Variants in MTO1 observed in about 807,000 individuals in gnomAD.
MTO1 encodes the protein mitochondrial tRNA translation optimization 1.
In MTO1, 46 loss-of-function variants were observed where a neutral mutation model predicts 71.6. The observed-to-expected ratio is 0.64, with a 90% CI of 0.51 to 0.82. The LOEUF is 0.82. Among genes scored for constraint, MTO1 ranks in the 40% least tolerant of loss-of-function variants. The pLI is 0.00. For missense variants in MTO1, 773 were observed against 867.5 expected, an observed-to-expected ratio of 0.89 and a Z score of 1.37; for synonymous variants, 297 against 312.1, an observed-to-expected ratio of 0.95 and a Z score of 0.51.
Position 73,507,708 on chromosome 6 carries a change from T to G in MTO1, c.*6973T>G, listed in dbSNP as rs571593437. 6.6e-6 allele frequency: 1 copy of G among 152,436 alleles called. No homozygotes were observed. Among genetic ancestry groups the G allele is most frequent in the South Asian group, 2.1e-4 (1 of 4,834 alleles). 9.4% of individuals were successfully genotyped at this position (152,436 alleles called of 1,614,324 possible). ...GTTTCTCCATCCCGGCAGGGTGCGG[T>G]GGCTCACGCCTGTAATCCCAACACT... On this transcript the variant is annotated 3_prime_UTR_variant, in exon 12 of 12. Coordinates refer to ENST00000498286, the MANE Select transcript of MTO1 (RefSeq NM_012123.4).
At chr6:73,493,579 C>T (rs1771890809) in intron 10 of MTO1, among the ~76,000 whole-genome samples, 1 of 151,642 alleles carries the variant, frequency 6.6e-6, no homozygotes. Context: ...TTAGTAGAGA[C>T]AGGGTTTCAT....
At chr6:73,483,028 G>A (rs1379793512) in intron 9 of MTO1, among the ~76,000 whole-genome samples, 3 of 151,842 alleles carry the variant, frequency 2.0e-5, no homozygotes, top group East Asian at 1.9e-4. Flanking sequence ...TCCTGATCTC[G>A]TGATCCGCCC....
rs1249955801 is a variant in MTO1 at position 73,480,354 on chromosome 6, C to T, written c.1129+228C>T. 3.7e-5 allele frequency: 25 copies of T among 678,498 alleles called. No individual in the cohort carries two copies. The East Asian group carries it at 7.4e-4, about 20-fold the overall frequency. The allele number at this position is 678,498 out of a possible 1,614,324, so 42.0% of individuals were successfully genotyped here. On this transcript the variant is annotated intron_variant, in intron 6 of 11. Coordinates refer to ENST00000498286, the MANE Select transcript of MTO1 (RefSeq NM_012123.4). ...ATGGTGCGATCTCGGCTCACCACAA[C>T]CTCCCCCTGCCAGGTTCGTGATTCT...
intron 3 of MTO1, among the ~76,000 whole-genome samples, chr6:73,471,115 C>G (rs1416130391): frequency 1.2e-4 from 18 of 151,266 alleles, no homozygotes; most frequent in Non-Finnish European, 4.4e-5. Flanking sequence ...GTTGTTTTCA[C>G]AAAATCGTAG....
At chr6:73,486,266 G>T (rs544369269) in intron 9 of MTO1, among the ~76,000 whole-genome samples, 2 of 152,166 alleles carry the variant, frequency 1.3e-5, no homozygotes, top group South Asian at 2.1e-4. Flanking sequence ...TTAACTATTT[G>T]TAAGTGTACA....
In MTO1 at chr6:73,480,003, C is replaced by G; in HGVS notation, c.1006C>G (p.Pro336Ala). ...PNRLHQVWLE[P>A]EGMDSDLIYP... ...CCGTCTACATCAGGTTTGGTTGGAA[C>G]CTGAAGGAATGGATTCTGACCTTAT... Residue 336 changes from proline to alanine, a missense_variant, in exon 6 of 12, where the codon CCT becomes GCT. Coordinates refer to ENST00000498286, the MANE Select transcript of MTO1 (RefSeq NM_012123.4). 1 of 1,614,056 alleles carries G rather than the reference C, an allele frequency of 6.2e-7. No individual in the cohort carries two copies. Among genetic ancestry groups the G allele is most frequent in the African/African-American group, 1.3e-5 (1 of 75,006 alleles).
In MTO1 at chr6:73,466,410, T is replaced by C. The variant is rs1030161382; in HGVS notation, c.417+2T>C. The C allele has an allele frequency of 1.4e-5, 22 of 1,613,860 alleles. No homozygotes were observed. The highest frequency in any genetic ancestry group is 1.8e-5 in the Non-Finnish European group (21 of 1,179,876). On this transcript the variant is annotated splice_donor_variant, in intron 2 of 11. Transcript: ENST00000498286. LOFTEE classifies it high-confidence loss of function. ...AAACTCTATAAACAGAACATGCAGGTAAGAATAGGGCATGAGCACAGGAAA... is the reference window on the plus strand; with the variant it reads ...AAACTCTATAAACAGAACATGCAGGCAAGAATAGGGCATGAGCACAGGAAA...
In MTO1 at chr6:73,506,952, G is replaced by A. The variant is rs1214561122; in HGVS notation, c.*6217G>A. Reference sequence around the variant, plus strand: ...GATCCACCCACCTTGGCTTCCCAAAGTGGGTGGATGACCTCTGGGATTACA... The same window carrying A: ...GATCCACCCACCTTGGCTTCCCAAAATGGGTGGATGACCTCTGGGATTACA... On this transcript the variant is annotated 3_prime_UTR_variant, in exon 12 of 12. Transcript: ENST00000498286. The A allele has an allele frequency of 6.7e-6, 1 of 148,714 alleles. No individual in the cohort carries two copies. The highest frequency in any genetic ancestry group is 2.5e-5 in the African/African-American group (1 of 40,292). 9.2% of individuals were successfully genotyped at this position (148,714 alleles called of 1,614,324 possible).
chr6:73,506,093 C>T lies in MTO1; in HGVS notation c.*5358C>T, dbSNP rs1230242771. On this transcript the variant is annotated 3_prime_UTR_variant, in exon 12 of 12. Transcript: ENST00000498286. ...TGCTGGGTTAAAGTGATTCTCTTGCCTCAGCCTCCCGAGCAGCTGAGACTA... is the reference window on the plus strand; with the variant it reads ...TGCTGGGTTAAAGTGATTCTCTTGCTTCAGCCTCCCGAGCAGCTGAGACTA... The T allele has an allele frequency of 6.6e-6, 1 of 152,178 alleles. No homozygotes were observed. Among genetic ancestry groups the T allele is most frequent in the African/African-American group, 2.4e-5 (1 of 41,404 alleles). The allele number at this position is 152,178 out of a possible 1,614,324, so 9.4% of individuals were successfully genotyped here. A position where few individuals can be genotyped will look rare whatever the true frequency, so the allele number is the denominator to read the frequency against.
In MTO1 at chr6:73,476,748, A is replaced by G. The variant is rs556571580; in HGVS notation, c.826-2984A>G. Among the ~76,000 whole-genome samples, 52 of 152,002 alleles carry G rather than the reference A, an allele frequency of 3.4e-4. 1 individual carries two copies. The highest frequency in any genetic ancestry group is 4.2e-4 in the South Asian group (2 of 4,816). On this transcript the variant is annotated intron_variant, in intron 4 of 11. Coordinates refer to ENST00000498286, the MANE Select transcript of MTO1 (RefSeq NM_012123.4). ...CATCCTTTTATATAACCCTTATGCA[A>G]TGATGAAATTCAGAGTACGATGCAG...
chr6:73,467,893 T>C (rs551755370), intron 3 of MTO1, among the ~76,000 whole-genome samples: 11 of 152,144 alleles, frequency 7.2e-5, no homozygotes, highest in Non-Finnish European at 1.2e-4. Flanking sequence ...CGATATCGGC[T>C]CACCACAACC....
intron 10 of MTO1, among the ~76,000 whole-genome samples, chr6:73,494,141 A>C (rs1771916842): frequency 6.6e-6 from 1 of 152,056 alleles, no homozygotes; most frequent in Admixed American, 6.6e-5. Flanking sequence ...AGGCTGAGGC[A>C]GGAGAATTGC....
chr6:73,462,155 C>T lies in MTO1; in HGVS notation c.217+84C>T. The T allele has an allele frequency of 2.1e-6, 3 of 1,415,568 alleles. No homozygotes were observed. The South Asian group carries it at 3.5e-5, about 17-fold the overall frequency. The allele number at this position is 1,415,568 out of a possible 1,614,324, so 87.7% of individuals were successfully genotyped here. A position where few individuals can be genotyped will look rare whatever the true frequency, so the allele number is the denominator to read the frequency against. ...TCCCCCGGTCTGAAGCGGGGGACCT[C>T]TTCCTTTCCTCAAAGCTAGTGAGAA... On this transcript the variant is annotated intron_variant, in intron 1 of 11. Transcript: ENST00000498286.
chr6:73,477,413 AAAG>A (rs1473365856), intron 4 of MTO1, among the ~76,000 whole-genome samples: 2 of 151,126 alleles, frequency 1.3e-5, no homozygotes, highest in East Asian at 2.0e-4. Flanking sequence ...AAAAAAAAAA[AAAG>A]AAATTCGGAG....
chr6:73,488,295 T>TC (rs1350684093), intron 9 of MTO1, among the ~76,000 whole-genome samples: 1 of 152,086 alleles, frequency 6.6e-6, no homozygotes, highest in Non-Finnish European at 1.5e-5. Context: ...CACCTCAGCC[T>TC]CCCAAGTAGC....
intron 4 of MTO1, among the ~76,000 whole-genome samples, chr6:73,479,411 C>T (rs2150035465): frequency 6.6e-6 from 1 of 152,190 alleles, no homozygotes; most frequent in East Asian, 2.0e-4. Flanking sequence ...AGGAGAATCG[C>T]TTGAACCCGG....
rs1048805060 is a variant in MTO1, at chr6:73,507,791, C to A, written c.*7056C>A. On this transcript the variant is annotated 3_prime_UTR_variant, in exon 12 of 12. Coordinates refer to ENST00000498286, the MANE Select transcript of MTO1 (RefSeq NM_012123.4). ...AGGAAATAGAGACCATCCTGGCTAA[C>A]ATGGTGAAACCCCGTGTCTACTAAA... 4 of 152,214 alleles carry A rather than the reference C, an allele frequency of 2.6e-5. No individual in the cohort carries two copies. Among genetic ancestry groups the A allele is most frequent in the Non-Finnish European group, 4.4e-5 (3 of 68,066 alleles). 9.4% of individuals were successfully genotyped at this position (152,214 alleles called of 1,614,324 possible). A position where few individuals can be genotyped will look rare whatever the true frequency, so the allele number is the denominator to read the frequency against.
At chr6:73,497,507 A>G (rs900179624) in intron 10 of MTO1, among the ~76,000 whole-genome samples, 1 of 152,122 alleles carries the variant, frequency 6.6e-6, no homozygotes, top group Non-Finnish European at 1.5e-5. Flanking sequence ...GACATGCACT[A>G]AACTACTAGA....
chr6:73,480,703 T>A lies in MTO1; in HGVS notation c.1158T>A (p.Asp386Glu), dbSNP rs200518440. The change falls in exon 7 of 12, where the codon GAT becomes GAA. Residue 386 changes from aspartate to glutamate, a missense_variant. Coordinates refer to ENST00000498286, the MANE Select transcript of MTO1 (RefSeq NM_012123.4). ...PGYGVQYDYL[D>E]PRQITPSLET... ...ACGGTGTTCAGTATGATTACTTAGATCCCCGTCAGATCACCCCTTCCTTGG... is the reference window on the plus strand; with the variant it reads ...ACGGTGTTCAGTATGATTACTTAGAACCCCGTCAGATCACCCCTTCCTTGG... 2.5e-6 allele frequency: 4 copies of A among 1,613,888 alleles called. No homozygotes were observed. The highest frequency in any genetic ancestry group is 2.5e-6 in the Non-Finnish European group (3 of 1,179,838).
Sources: allele counts gnomAD v4.1 joint callset (sites outside exome capture counted in the v4.1 genomes callset), GRCh38; gene constraint gnomAD v4.1.1; transcripts MANE v1.5; gene names NCBI Gene and HGNC (gene_info 2026-07-23, HGNC 2026-07-21).